The following ABCA13 variants were observed in gnomAD, a reference collection of about 807,000 sequenced individuals.
ABCA13 encodes the protein ATP binding cassette subfamily A member 13.
ABCA13 carries 476 observed loss-of-function variants against 478.7 expected under a neutral mutation model. The observed-to-expected ratio is 0.99, with a 90% CI of 0.92 to 1.07. The LOEUF is 1.07. Ranked by LOEUF, ABCA13 falls within the 50% of genes least tolerant of loss-of-function variation. The pLI is 0.00. For synonymous variants in ABCA13, 2,252 were observed against 2,158.9 expected (o/e 1.04, Z -1.20); for missense variants, 6,060 against 5,910.6 (o/e 1.03, Z -0.83).
chr7:48,414,460 C>CAATG (rs1585220807), intron 41 of ABCA13, among the ~76,000 whole-genome samples: 2 of 151,540 alleles, frequency 1.3e-5, no homozygotes, highest in East Asian at 3.9e-4. Flanking sequence ...TCTAAGTGAA[C>CAATG]AATGTGCTGA....
In ABCA13 at chr7:48,264,956, G is replaced by C. The variant is rs115516913; in HGVS notation, c.2006-4024G>C. The stretch of plus-strand genomic sequence containing the variant: ...TATAATTCATTTTGTGTTAATTTTT[G>C]TATGTGGTGTAGGCATATACTGAAG... On this transcript the variant is annotated intron_variant, in intron 15 of 61. Transcript: ENST00000435803. 3.3e-3 allele frequency among the ~76,000 whole-genome samples: 499 copies of C among 151,608 alleles called. 4 individuals carry two copies. The highest frequency in any genetic ancestry group is 0.011 in the African/African-American group (471 of 41,448).
intron 59 of ABCA13, among the ~76,000 whole-genome samples, chr7:48,640,873 C>G (rs1795055739): frequency 6.6e-6 from 1 of 152,124 alleles, no homozygotes; most frequent in Admixed American, 6.6e-5. Context: ...ATTAACTGTT[C>G]TAGAGAGATC....
intron 42 of ABCA13, among the ~76,000 whole-genome samples, chr7:48,443,087 A>G (rs968320903): frequency 1.8e-4 from 28 of 152,182 alleles, no homozygotes; most frequent in African/African-American, 6.3e-4. Flanking sequence ...TAGAGATAAA[A>G]CCATGTGAGG....
At chr7:48,350,589 AAG>A (rs1808810439) in intron 29 of ABCA13, 52 bp from the exon 30 acceptor site, 1 of 1,463,874 alleles carries the variant, frequency 6.8e-7, no homozygotes, top group African/African-American at 1.4e-5. Flanking sequence ...TATGAGTGGT[AAG>A]CACTGGGGGG....
At chr7:48,277,438 C>G (rs1796452246) in intron 17 of ABCA13, among the ~76,000 whole-genome samples, 1 of 152,168 alleles carries the variant, frequency 6.6e-6, no homozygotes, top group Admixed American at 6.5e-5. Context: ...TCCCTTCTGA[C>G]TAATTTAAAG....
Position 48,272,672 on chromosome 7 carries a change from T to G in ABCA13, c.3006T>G (p.Phe1002Leu). Residue 1002 changes from phenylalanine to leucine, a missense_variant, in exon 17 of 62, where the codon TTT becomes TTG. Physicochemically the swap from Phe to Leu is conservative, Grantham distance 22 (BLOSUM62 0). Transcript: ENST00000435803. ...SKHILDIIKQ[F>L]NFQNISKAFA... ...ACATTTTGGATATCATAAAACAATTTAATTTCCAAAACATCAGTAAAGCAT... is the reference window on the plus strand; with the variant it reads ...ACATTTTGGATATCATAAAACAATTGAATTTCCAAAACATCAGTAAAGCAT... 6.2e-7 allele frequency: 1 copy of G among 1,612,930 alleles called. No homozygotes were observed. Among genetic ancestry groups the G allele is most frequent in the Non-Finnish European group, 8.5e-7 (1 of 1,179,314 alleles).
chr7:48,534,414 CTT>C (rs1406431473), intron 55 of ABCA13, among the ~76,000 whole-genome samples: 3 of 152,036 alleles, frequency 2.0e-5, no homozygotes, highest in Non-Finnish European at 4.4e-5. Flanking sequence ...GATTCTTTCC[CTT>C]GTCTTTACTT....
At chr7:48,203,811 C>T (rs1328704716) in intron 3 of ABCA13, among the ~76,000 whole-genome samples, 1 of 152,240 alleles carries the variant, frequency 6.6e-6, no homozygotes, top group Non-Finnish European at 1.5e-5. Context: ...CATGCTGGGG[C>T]ACTCCCACCC....
chr7:48,313,983 ATGTGTGTGTGTG>A (rs1554436363), intron 25 of ABCA13, among the ~76,000 whole-genome samples: 1 of 78,192 alleles, frequency 1.3e-5, no homozygotes, highest in African/African-American at 3.1e-5. Flanking sequence ...GTGTGTGTGT[ATGTGTGTGTGTG>A]TGTGTGTGTG....
intron 1 of ABCA13, among the ~76,000 whole-genome samples, chr7:48,180,508 C>T (rs1795529097): frequency 6.6e-6 from 1 of 152,190 alleles, no homozygotes; most frequent in Admixed American, 6.5e-5. Flanking sequence ...GCAGCCTCCG[C>T]CTCCTGGGTT....
chr7:48,191,318 A>C (rs1166383271), intron 1 of ABCA13, among the ~76,000 whole-genome samples: 1 of 152,348 alleles, frequency 6.6e-6, no homozygotes, highest in Non-Finnish European at 1.5e-5. Flanking sequence ...AGGTTTCAGG[A>C]CTGTGTCAGA....
Position 48,183,857 on chromosome 7 carries a change from G to T in ABCA13, c.70-9102G>T, listed in dbSNP as rs1465626172. On this transcript the variant is annotated intron_variant, in intron 1 of 61. Coordinates refer to ENST00000435803, the MANE Select transcript of ABCA13 (RefSeq NM_152701.5). ...TTTTTTTTCTTTCGCAAGTAATGTT[G>T]TGTAAACACTTTTGACCATTGAGCA... Among the ~76,000 whole-genome samples, 4 of 152,002 alleles carry T rather than the reference G, an allele frequency of 2.6e-5. No individual in the cohort carries two copies. The East Asian group carries it at 7.7e-4, about 29-fold the overall frequency.
intron 42 of ABCA13, among the ~76,000 whole-genome samples, chr7:48,435,951 A>G (rs911288525): frequency 3.3e-5 from 5 of 150,498 alleles, no homozygotes; most frequent in African/African-American, 1.2e-4. Flanking sequence ...CAATATTCAT[A>G]AGGAATATTA....
rs373649392 is a variant in ABCA13, at chr7:48,274,273, T to C, written c.4607T>C (p.Ile1536Thr). ...AGACCAATAGAAATGTCAGATGAAATTCCTAATCAGTTTCAAAATATTTGG... is the reference window on the plus strand; with the variant it reads ...AGACCAATAGAAATGTCAGATGAAACTCCTAATCAGTTTCAAAATATTTGG... ...ILRPIEMSDEIPNQFQNIWLH... is the reference protein window; with the variant it reads ...ILRPIEMSDETPNQFQNIWLH... The change falls in exon 17 of 62, where the codon ATT becomes ACT. Residue 1536 changes from isoleucine to threonine, a missense_variant. Physicochemically the swap from Ile to Thr is moderately conservative, Grantham distance 89. Around this residue, in one of 3 missense-constraint regions of ABCA13, gnomAD observed 4,423 missense variants for 4,309.1 expected, o/e 1.03. Coordinates refer to ENST00000435803, the MANE Select transcript of ABCA13 (RefSeq NM_152701.5). 7.4e-6 allele frequency: 12 copies of C among 1,613,074 alleles called. No homozygotes were observed. Among genetic ancestry groups the C allele is most frequent in the Non-Finnish European group, 1.0e-5 (12 of 1,179,598 alleles).
chr7:48,433,918 C>T (rs1006523828), intron 42 of ABCA13, among the ~76,000 whole-genome samples: 1 of 152,038 alleles, frequency 6.6e-6, no homozygotes, highest in Non-Finnish European at 1.5e-5. Context: ...ATCCATTTAT[C>T]TGTTGATGGA....
At position 48,274,279 on chromosome 7, in the gene ABCA13, A is replaced by G; in HGVS notation, c.4613A>G (p.Asn1538Ser). The G allele has an allele frequency of 1.9e-6, 3 of 1,613,248 alleles. No homozygotes were observed. Among genetic ancestry groups the G allele is most frequent in the Non-Finnish European group, 2.5e-6 (3 of 1,179,574 alleles). Reference sequence around the variant, plus strand: ...ATAGAAATGTCAGATGAAATTCCTAATCAGTTTCAAAATATTTGGCTTCAT... The same window carrying G: ...ATAGAAATGTCAGATGAAATTCCTAGTCAGTTTCAAAATATTTGGCTTCAT... ...RPIEMSDEIP[N>S]QFQNIWLHLI... Residue 1538 changes from asparagine (N) to serine (S), a missense_variant, in exon 17 of 62, where the codon AAT becomes AGT. Transcript: ENST00000435803.
At chr7:48,635,538 T>C (rs1449188583) in intron 59 of ABCA13, among the ~76,000 whole-genome samples, 1 of 152,178 alleles carries the variant, frequency 6.6e-6, no homozygotes, top group African/African-American at 2.4e-5. Flanking sequence ...TGTTCTTAAT[T>C]TAAAGCCTCT....
chr7:48,489,397 T>C (rs1829644470), intron 48 of ABCA13, 53 bp downstream of exon 48: 4 of 1,433,222 alleles, frequency 2.8e-6, no homozygotes, highest in Non-Finnish European at 1.9e-6. Context: ...GACAATGTTT[T>C]TAAAAGTGAA....
At chr7:48,361,102 A>G (rs1240344842) in intron 31 of ABCA13, among the ~76,000 whole-genome samples, 1 of 151,666 alleles carries the variant, frequency 6.6e-6, no homozygotes, top group East Asian at 1.9e-4. Flanking sequence ...TTTGGAAAAA[A>G]AAAAAAAAGA....
Sources: allele counts gnomAD v4.1 joint callset (sites outside exome capture counted in the v4.1 genomes callset), GRCh38; gene constraint gnomAD v4.1.1; regional missense constraint gnomAD v4.1.1; transcripts MANE v1.5; gene names NCBI Gene and HGNC (gene_info 2026-07-23, HGNC 2026-07-21).